The following ACMSD variants were observed in gnomAD, a reference collection of about 807,000 sequenced individuals.
The protein encoded by ACMSD is aminocarboxymuconate semialdehyde decarboxylase, also known as 2-amino-3-carboxymuconate-6-semialdehyde decarboxylase.
In ACMSD, 37 loss-of-function variants were observed where a neutral mutation model predicts 45.9. That is an observed-to-expected ratio of 0.81 (90% CI 0.62 to 1.06). ACMSD has a LOEUF of 1.06. ACMSD is among the 50% of genes least tolerant of loss of function. The pLI is 0.00. For missense variants in ACMSD, 434 were observed against 420.9 expected (o/e 1.03, Z -0.27); for synonymous variants, 138 against 148.8 (o/e 0.93, Z 0.53).
intron 8 of ACMSD, among the ~76,000 whole-genome samples, chr2:134,885,266 TAAA>T (rs1559064479): frequency 3.4e-5 from 3 of 87,886 alleles, no homozygotes; most frequent in African/African-American, 9.9e-5. Context: ...AATATATATA[TAAA>T]TATATATATT....
At chr2:134,872,716 G>C in intron 8 of ACMSD, 75 bp downstream of exon 8, 3 of 1,545,196 alleles carry the variant, frequency 1.9e-6, no homozygotes, top group Non-Finnish European at 2.7e-6. Flanking sequence ...CTCTCCTTTG[G>C]CCTCTCTCCA....
intron 2 of ACMSD, among the ~76,000 whole-genome samples, chr2:134,848,399 G>T (rs530659071): frequency 6.6e-6 from 1 of 152,244 alleles, no homozygotes; most frequent in Admixed American, 6.5e-5. Flanking sequence ...CCCACCAACA[G>T]TATAAAAGCA....
At position 134,838,701 on chromosome 2, in the gene ACMSD, A is replaced by G; in HGVS notation, c.19A>G (p.Ser7Gly). 2 of 1,607,332 alleles carry G rather than the reference A, an allele frequency of 1.2e-6. No homozygotes were observed. The highest frequency in any genetic ancestry group is 2.2e-5 in the East Asian group (1 of 44,848). The change falls in exon 1 of 10, where the codon AGT becomes GGT. Residue 7 changes from serine (S) to glycine (G), a missense_variant. Physicochemically the swap from Ser to Gly is moderately conservative, Grantham distance 56. Transcript: ENST00000356140. ...TGTGGAGATGAAAATTGACATCCAT[A>G]GTCATATTCTACCAAAAGAATGGCC... Reference protein sequence around the residue: MKIDIHSHILPKEWPDL... With the variant: MKIDIHGHILPKEWPDL...
chr2:134,884,187 T>C (rs1182046678), intron 8 of ACMSD, among the ~76,000 whole-genome samples: 1 of 152,196 alleles, frequency 6.6e-6, no homozygotes, highest in Non-Finnish European at 1.5e-5. Flanking sequence ...GGAGGAGTTG[T>C]GAACAATAGT....
At chr2:134,886,408 C>A (rs536622090) in intron 8 of ACMSD, among the ~76,000 whole-genome samples, 1 of 151,638 alleles carries the variant, frequency 6.6e-6, no homozygotes, top group Non-Finnish European at 1.5e-5. Context: ...GCCAACACGC[C>A]CGGCTAATTT....
intron 4 of ACMSD, 104 bp downstream of exon 4, chr2:134,862,122 C>A: frequency 8.4e-7 from 1 of 1,186,626 alleles, no homozygotes; most frequent in Non-Finnish European, 1.3e-6. Flanking sequence ...CCACTAACTG[C>A]CCCCAACAAC....
In ACMSD at chr2:134,898,378, T is replaced by G. The variant is rs1452730902; in HGVS notation, c.887T>G (p.Leu296Arg). ...TTGGGAACCGATTACCCCTTTCCAC[T>G]AGGTGAGCTGGAACCTGGGAAACTA... ...VILGTDYPFP[L>R]GELEPGKLIE... The change falls in exon 9 of 10, where the codon CTA becomes CGA. Residue 296 changes from leucine to arginine, a missense_variant. Physicochemically the swap from Leu to Arg is moderately radical, Grantham distance 102. Coordinates refer to ENST00000356140, the MANE Select transcript of ACMSD (RefSeq NM_138326.3). The G allele has an allele frequency of 1.2e-6, 2 of 1,602,318 alleles. No homozygotes were observed. The highest frequency in any genetic ancestry group is 1.7e-6 in the Non-Finnish European group (2 of 1,175,056).
chr2:134,890,221 G>A (rs994613750), intron 8 of ACMSD, among the ~76,000 whole-genome samples: 3 of 151,936 alleles, frequency 2.0e-5, no homozygotes, highest in Non-Finnish European at 4.4e-5. Flanking sequence ...AAGACAAACC[G>A]ACATGATATG....
At position 134,870,985 on chromosome 2, in the gene ACMSD, A is replaced by ATAGCCATT; in HGVS notation, c.603_610dup (p.Cys204Ter). ...TTCAGGAATGCCAGCAGAGACCACC[A>ATAGCCATT]TAGCCATTTGCTCCATGATCATGGG... On this transcript the variant is annotated frameshift_variant, in exon 7 of 10. Transcript: ENST00000356140. LOFTEE classifies it high-confidence loss of function. 2 of 1,614,140 alleles carry ATAGCCATT rather than the reference A, an allele frequency of 1.2e-6. No homozygotes were observed. Among genetic ancestry groups the ATAGCCATT allele is most frequent in the Non-Finnish European group, 1.7e-6 (2 of 1,180,012 alleles).
intron 8 of ACMSD, among the ~76,000 whole-genome samples, chr2:134,894,749 A>C (rs1362437078): frequency 1.3e-5 from 2 of 152,150 alleles, no homozygotes; most frequent in Non-Finnish European, 1.5e-5. Context: ...GCAATTAGGC[A>C]AGAAAAACAA....
At position 134,840,336 on chromosome 2, in the gene ACMSD, C is replaced by T. The variant is rs74642565; in HGVS notation, c.57+1597C>T. Among the ~76,000 whole-genome samples the T allele has an allele frequency of 5.3e-4, 81 of 151,978 alleles. 1 individual carries two copies. The East Asian group carries it at 0.014, about 26-fold the overall frequency. On this transcript the variant is annotated intron_variant, in intron 1 of 9. Transcript: ENST00000356140. ...CACTGAGAAAGCTAGCTAGCATGATCGACCCTCCAAGCAGGGCTCCAAGCT... is the reference window on the plus strand; with the variant it reads ...CACTGAGAAAGCTAGCTAGCATGATTGACCCTCCAAGCAGGGCTCCAAGCT...
At chr2:134,895,328 T>TTACATATATAATATATATATATGTTA (rs1553516998) in intron 8 of ACMSD, among the ~76,000 whole-genome samples, 1 of 141,584 alleles carries the variant, frequency 7.1e-6, no homozygotes, top group Admixed American at 7.2e-5. Flanking sequence ...TATATATATG[T>TTACATATATAATATATATATATGTTA]TATATATATA....
At chr2:134,856,221 A>G (rs1008437942) in intron 2 of ACMSD, among the ~76,000 whole-genome samples, 1 of 152,216 alleles carries the variant, frequency 6.6e-6, no homozygotes, top group African/African-American at 2.4e-5. Flanking sequence ...AAGATAAACA[A>G]ACTGAAGCTT....
At chr2:134,872,836 C>T (rs2104888514) in intron 8 of ACMSD, 195 bp downstream of exon 8, 6 of 596,816 alleles carry the variant, frequency 1.0e-5, no homozygotes, top group East Asian at 5.7e-5. Context: ...ACACAGAGTA[C>T]ATAACACTAA....
At chr2:134,868,318 C>T (rs948177509) in intron 6 of ACMSD, among the ~76,000 whole-genome samples, 14 of 152,212 alleles carry the variant, frequency 9.2e-5, no homozygotes, top group Non-Finnish European at 1.6e-4. Flanking sequence ...TCTATCCAAT[C>T]TCTCATCATC....
intron 8 of ACMSD, among the ~76,000 whole-genome samples, chr2:134,890,514 T>C (rs1689716823): frequency 6.6e-6 from 1 of 152,038 alleles, no homozygotes; most frequent in South Asian, 2.1e-4. Context: ...ATAAATCACA[T>C]TATGGGGGCA....
At chr2:134,897,754 T>C (rs1690247713) in intron 8 of ACMSD, among the ~76,000 whole-genome samples, 1 of 152,072 alleles carries the variant, frequency 6.6e-6, no homozygotes, top group African/African-American at 2.4e-5. Context: ...ACGTATTTTA[T>C]TGTATAAAGT....
intron 8 of ACMSD, among the ~76,000 whole-genome samples, chr2:134,886,017 CAG>C (rs964485744): frequency 2.0e-5 from 3 of 152,060 alleles, no homozygotes; most frequent in African/African-American, 7.2e-5. Context: ...AAACTATTGA[CAG>C]GGTTTAAGCA....
chr2:134,881,446 G>C (rs1341348530), intron 8 of ACMSD, among the ~76,000 whole-genome samples: 1 of 152,152 alleles, frequency 6.6e-6, no homozygotes, highest in Non-Finnish European at 1.5e-5. Flanking sequence ...ATCTTGTCTT[G>C]GGCATTTGAT....
Sources: allele counts gnomAD v4.1 joint callset (sites outside exome capture counted in the v4.1 genomes callset), GRCh38; gene constraint gnomAD v4.1.1; transcripts MANE v1.5; gene names NCBI Gene and HGNC (gene_info 2026-07-23, HGNC 2026-07-21).